BRD8: variants seen among roughly 807,000 people sequenced by gnomAD.
The protein encoded by BRD8 is bromodomain-containing protein 8.
A neutral mutation model predicts 143.1 loss-of-function variants in BRD8; 67 were observed. The ratio of observed to expected loss-of-function variants is 0.47; its 90% CI spans 0.38 to 0.57. The LOEUF (loss-of-function observed/expected upper bound fraction) is 0.57, where lower values mean the gene tolerates loss of function less well. Among genes scored for constraint, BRD8 ranks in the 20% least tolerant of loss-of-function variants. The pLI is 0.00. For synonymous variants in BRD8, 505 were observed against 517.1 expected (o/e 0.98, Z 0.32); for missense variants, 1,103 against 1,503.0 (o/e 0.73, Z 4.40).
intron 20 of BRD8, among the ~76,000 whole-genome samples, chr5:138,156,438 G>A (rs945705961): frequency 7.2e-5 from 11 of 151,926 alleles, no homozygotes; most frequent in East Asian, 3.9e-4. Context: ...ACGCCCGGCC[G>A]CCAAGAACTC....
In BRD8 at chr5:138,166,589, A is replaced by G. The variant is rs1753442415; in HGVS notation, c.926T>C (p.Ile309Thr). Residue 309 changes from isoleucine (I) to threonine (T), a missense_variant, in exon 10 of 27, where the codon ATT becomes ACT. Physicochemically the swap from Ile to Thr is moderately conservative, Grantham distance 89. Coordinates refer to ENST00000254900, the MANE Select transcript of BRD8 (RefSeq NM_139199.2). ...PPVESVSQAT[I>T]VMMPALPAPS... The stretch of plus-strand genomic sequence containing the variant: ...TGCTGGCAGCGCAGGCATCATGACA[A>G]TGGTAGCTTGGGACACAGACTCTAC... 1 of 1,614,070 alleles carries G rather than the reference A, an allele frequency of 6.2e-7. No homozygotes were observed. The highest frequency in any genetic ancestry group is 8.5e-7 in the Non-Finnish European group (1 of 1,179,974).
intron 11 of BRD8, 73 bp downstream of exon 11, chr5:138,165,755 C>CACCAAAGT: frequency 7.0e-7 from 1 of 1,427,430 alleles, no homozygotes; most frequent in Non-Finnish European, 9.4e-7. Context: ...GCAGCAGCAG[C>CACCAAAGT]ACCAAAGTGA....
chr5:138,162,679 AT>A (rs1201861592), intron 15 of BRD8, among the ~76,000 whole-genome samples: 1 of 151,604 alleles, frequency 6.6e-6, no homozygotes, highest in Non-Finnish European at 1.5e-5. Flanking sequence ...CCTTAAAAAA[AT>A]TTTTTTAAAA....
intron 20 of BRD8, among the ~76,000 whole-genome samples, chr5:138,153,632 T>C (rs1197229332): frequency 6.6e-6 from 1 of 151,916 alleles, no homozygotes; most frequent in Non-Finnish European, 1.5e-5. Flanking sequence ...TCACTGCTTC[T>C]TCCCAATTTC....
chr5:138,178,313 C>A (rs1027863662), intron 1 of BRD8, among the ~76,000 whole-genome samples: 1 of 152,140 alleles, frequency 6.6e-6, no homozygotes, highest in Non-Finnish European at 1.5e-5. Context: ...CGTCTGCACG[C>A]CCAAGTTTCT....
intron 16 of BRD8, 75 bp downstream of exon 16, chr5:138,161,979 A>T: frequency 6.4e-7 from 1 of 1,566,848 alleles, no homozygotes. Flanking sequence ...ACAGAAGCCT[A>T]CTCAGACTTT....
intron 2 of BRD8, 131 bp from the exon 3 acceptor site, chr5:138,172,265 C>A: frequency 1.6e-6 from 1 of 644,888 alleles, no homozygotes. Flanking sequence ...TGGCTCACGC[C>A]TGTAATCCCA....
intron 18 of BRD8, 119 bp downstream of exon 18, chr5:138,160,772 G>A: frequency 1.2e-6 from 1 of 816,080 alleles, no homozygotes. Context: ...GTTTTCAATT[G>A]TGTCCCTGAC....
At chr5:138,156,908 A>G in intron 20 of BRD8, 1 of 1,176,426 alleles carries the variant, frequency 8.5e-7, no homozygotes, top group Non-Finnish European at 1.1e-6. Flanking sequence ...AGTTTATTGT[A>G]TACACACACA....
intron 9 of BRD8, 105 bp from the exon 10 acceptor site, chr5:138,166,832 G>A (rs1462568887): frequency 8.3e-6 from 6 of 719,430 alleles, no homozygotes; most frequent in Admixed American, 8.2e-5. Context: ...GGTCTCAAAG[G>A]ATGAGAGCAA....
chr5:138,149,538 C>A (rs1561600198), intron 23 of BRD8, 102 bp downstream of exon 23: 1 of 1,068,730 alleles, frequency 9.4e-7, no homozygotes. Flanking sequence ...TGTTTTCCAA[C>A]TCTAATTTTC....
At position 138,170,817 on chromosome 5, in the gene BRD8, TATA is replaced by T; in HGVS notation, c.440+12_440+14del. 1 of 1,606,856 alleles carries T rather than the reference TATA, an allele frequency of 6.2e-7. No individual in the cohort carries two copies. The highest frequency in any genetic ancestry group is 8.5e-7 in the Non-Finnish European group (1 of 1,173,714). On this transcript the variant is annotated intron_variant, in intron 6 of 26. Coordinates refer to ENST00000254900, the MANE Select transcript of BRD8 (RefSeq NM_139199.2). ...AAAAGAAAGAAGCACAGAAGAACAA[TATA>T]ATATAACCCACGTTGCAATGTCATT...
At chr5:138,174,042 T>C (rs538674693) in intron 2 of BRD8, among the ~76,000 whole-genome samples, 1 of 152,272 alleles carries the variant, frequency 6.6e-6, no homozygotes, top group East Asian at 1.9e-4. Flanking sequence ...ACTGAGATCA[T>C]ATGGTATTTC....
chr5:138,171,286 A>C (rs1008853346), intron 4 of BRD8, 75 bp downstream of exon 4: 2 of 1,428,058 alleles, frequency 1.4e-6, no homozygotes, highest in African/African-American at 1.4e-5. Flanking sequence ...TATCATAACT[A>C]AGTATAAACC....
intron 2 of BRD8, among the ~76,000 whole-genome samples, chr5:138,173,797 C>A (rs894357073): frequency 6.6e-6 from 1 of 152,200 alleles, no homozygotes; most frequent in Non-Finnish European, 1.5e-5. Context: ...ATCCTCACAC[C>A]TCAGCCTCCC....
chr5:138,151,376 C>T (rs902757747), intron 21 of BRD8, among the ~76,000 whole-genome samples: 3 of 152,192 alleles, frequency 2.0e-5, no homozygotes, highest in Admixed American at 2.0e-4. Flanking sequence ...TGGATGCTTG[C>T]TGATCTTGAT....
chr5:138,151,914 G>A (rs917716747), intron 21 of BRD8, among the ~76,000 whole-genome samples: 25 of 152,186 alleles, frequency 1.6e-4, no homozygotes, highest in African/African-American at 5.8e-4. Context: ...GAGTGCAATG[G>A]TGTGATCTCA....
chr5:138,143,622 T>C (rs1328121089), intron 25 of BRD8, among the ~76,000 whole-genome samples: 6 of 79,908 alleles, frequency 7.5e-5, no homozygotes, highest in Admixed American at 1.6e-4. Context: ...TGTATCTAGC[T>C]AAAGGTTTGT....
At chr5:138,141,169 G>A (rs901296780) in intron 25 of BRD8, among the ~76,000 whole-genome samples, 1 of 144,730 alleles carries the variant, frequency 6.9e-6, no homozygotes, top group African/African-American at 2.6e-5. Context: ...CACTCTTGTT[G>A]CCCAGGCCGG....
Sources: allele counts gnomAD v4.1 joint callset (sites outside exome capture counted in the v4.1 genomes callset), GRCh38; gene constraint gnomAD v4.1.1; transcripts MANE v1.5; gene names NCBI Gene and HGNC (gene_info 2026-07-23, HGNC 2026-07-21).